The following NEDD4L variants were observed in gnomAD, a reference collection of about 807,000 sequenced individuals.
NEDD4L encodes the protein E3 ubiquitin-protein ligase NEDD4-like.
NEDD4L carries 54 observed loss-of-function variants against 148.9 expected under a neutral mutation model. That is an observed-to-expected ratio of 0.36 (90% CI 0.29 to 0.45). The LOEUF is 0.45. Among genes scored for constraint, NEDD4L ranks in the 20% least tolerant of loss-of-function variants. NEDD4L has a pLI of 1.00. For synonymous variants in NEDD4L, 433 were observed against 440.7 expected (o/e 0.98, Z 0.22); for missense variants, 856 against 1,233.8 (o/e 0.69, Z 4.59).
At chr18:58,081,026 CTA>C (rs1376392975) in intron 1 of NEDD4L, among the ~76,000 whole-genome samples, 2 of 151,980 alleles carry the variant, frequency 1.3e-5, no homozygotes, top group African/African-American at 4.8e-5. Flanking sequence ...TGAAAGCCTC[CTA>C]TATGATAATG....
Position 58,319,001 on chromosome 18 carries a change from A to G in NEDD4L, c.348+2969A>G, listed in dbSNP as rs184488271. Reference sequence around the variant, plus strand: ...GATGAGGCATTTTCAGGGTGGTGGTATTATTTGATGCCCTGCCTGTACTTG... The same window carrying G: ...GATGAGGCATTTTCAGGGTGGTGGTGTTATTTGATGCCCTGCCTGTACTTG... On this transcript the variant is annotated intron_variant, in intron 6 of 30. Coordinates refer to ENST00000400345, the MANE Select transcript of NEDD4L (RefSeq NM_001144967.3). Among the ~76,000 whole-genome samples, 4 of 152,312 alleles carry G rather than the reference A, an allele frequency of 2.6e-5. No homozygotes were observed. In the East Asian group the frequency reaches 7.7e-4, roughly 29 times the overall value.
chr18:58,367,643 C>A, intron 21 of NEDD4L, 103 bp from the exon 22 acceptor site: 1 of 1,268,320 alleles, frequency 7.9e-7, no homozygotes, highest in Non-Finnish European at 1.1e-6. Context: ...GTACAGAATG[C>A]TCGCAGGGAC....
intron 5 of NEDD4L, among the ~76,000 whole-genome samples, chr18:58,301,018 A>ATG (rs1470657835): frequency 1.3e-5 from 2 of 152,172 alleles, no homozygotes; most frequent in African/African-American, 4.8e-5. Flanking sequence ...GCCGAGTCTT[A>ATG]GCCCCACGTT....
At chr18:58,138,356 C>CTCCTCTTCCCTCCCCTT (rs2033096814) in intron 1 of NEDD4L, among the ~76,000 whole-genome samples, 1 of 146,274 alleles carries the variant, frequency 6.8e-6, no homozygotes, top group Non-Finnish European at 1.5e-5. Context: ...TCCCTCCCCT[C>CTCCTCTTCCCTCCCCTT]CTCCTCTTCC....
At chr18:58,333,407 G>A (rs894673634) in intron 11 of NEDD4L, among the ~76,000 whole-genome samples, 1 of 151,942 alleles carries the variant, frequency 6.6e-6, no homozygotes, top group African/African-American at 2.4e-5. Context: ...ATCAATAAAT[G>A]TTGGGTAGCC....
At position 58,236,258 on chromosome 18, in the gene NEDD4L, G is replaced by A. The variant is rs1343130478; in HGVS notation, c.123-9169G>A. On this transcript the variant is annotated intron_variant, in intron 2 of 30. Transcript: ENST00000400345. ...TGTAGTCCCAGCTACTCAGGAGGCT[G>A]AGGTGGGAGGATCGCTTGAGCCCAG... 3.3e-5 allele frequency among the ~76,000 whole-genome samples: 5 copies of A among 152,074 alleles called. No individual in the cohort carries two copies. The East Asian group carries it at 9.7e-4, about 29-fold the overall frequency.
chr18:58,245,597 A>G, intron 3 of NEDD4L, 89 bp downstream of exon 3: 1 of 634,666 alleles, frequency 1.6e-6, no homozygotes, highest in Non-Finnish European at 2.8e-6. Context: ...CTTTTTGGTC[A>G]AGGATGGACT....
chr18:58,218,485 T>A (rs2043380533), intron 2 of NEDD4L, among the ~76,000 whole-genome samples: 1 of 152,228 alleles, frequency 6.6e-6, no homozygotes, highest in African/African-American at 2.4e-5. Flanking sequence ...ACTGCCAGAC[T>A]TCTGGGAGAC....
At chr18:58,355,923 T>C (rs971609851) in intron 18 of NEDD4L, among the ~76,000 whole-genome samples, 9 of 152,094 alleles carry the variant, frequency 5.9e-5, no homozygotes, top group African/African-American at 2.2e-4. Flanking sequence ...TCACTTACAG[T>C]GTATACAGAA....
chr18:58,375,703 CT>C (rs2047478557), intron 24 of NEDD4L, among the ~76,000 whole-genome samples: 3 of 152,126 alleles, frequency 2.0e-5, no homozygotes, highest in Admixed American at 2.0e-4. Flanking sequence ...TGTATGCCCC[CT>C]GAGGTCTTCT....
intron 2 of NEDD4L, among the ~76,000 whole-genome samples, chr18:58,234,823 C>A (rs158868): frequency 0.43 from 65,889 of 151,872 alleles, 14,283 homozygotes; most frequent in East Asian, 0.49. Flanking sequence ...TCCTGGTACC[C>A]CTGGGAATGT....
At chr18:58,379,403 C>T (rs17064935) in intron 24 of NEDD4L, among the ~76,000 whole-genome samples, 44,317 of 152,108 alleles carry the variant, frequency 0.29, 6,821 homozygotes, top group African/African-American at 0.38. Flanking sequence ...CGGTACCACC[C>T]GGTGTTCAGT....
intron 5 of NEDD4L, among the ~76,000 whole-genome samples, chr18:58,274,787 C>T (rs496964): frequency 6.6e-6 from 1 of 152,200 alleles, no homozygotes; most frequent in East Asian, 1.9e-4. Flanking sequence ...TTGTCAAATC[C>T]TAGTGAATTT....
intron 16 of NEDD4L, among the ~76,000 whole-genome samples, chr18:58,343,417 C>T (rs938007982): frequency 6.6e-6 from 1 of 152,206 alleles, no homozygotes; most frequent in African/African-American, 2.4e-5. Flanking sequence ...TTGATCCCGT[C>T]TCACAAAGTA....
At chr18:58,284,530 T>A (rs2053618233) in intron 5 of NEDD4L, among the ~76,000 whole-genome samples, 1 of 150,800 alleles carries the variant, frequency 6.6e-6, no homozygotes, top group Non-Finnish European at 1.5e-5. Flanking sequence ...GGGGCTGGAG[T>A]TGCTTTTGAT....
intron 5 of NEDD4L, among the ~76,000 whole-genome samples, 190 bp from the exon 6 acceptor site, chr18:58,315,792 G>T (rs1391547437): frequency 6.6e-6 from 1 of 152,172 alleles, no homozygotes; most frequent in Non-Finnish European, 1.5e-5. Flanking sequence ...ATCTCAGCCA[G>T]CTCAGTCCAG....
At chr18:58,188,553 G>A (rs1304699041) in intron 2 of NEDD4L, among the ~76,000 whole-genome samples, 1 of 152,222 alleles carries the variant, frequency 6.6e-6, no homozygotes, top group East Asian at 1.9e-4. Context: ...TTCTGTCCTG[G>A]CCTGTATTCC....
chr18:58,193,629 T>G (rs1366948157), intron 2 of NEDD4L, among the ~76,000 whole-genome samples: 2 of 152,244 alleles, frequency 1.3e-5, no homozygotes, highest in African/African-American at 4.8e-5. Context: ...TCCCCTCAGG[T>G]TGGCATCTGC....
chr18:58,354,478 A>G (rs1387599027), intron 18 of NEDD4L, among the ~76,000 whole-genome samples: 1 of 152,000 alleles, frequency 6.6e-6, no homozygotes, highest in African/African-American at 2.4e-5. Flanking sequence ...GCTACCCCAT[A>G]CTTTCATACA....
Sources: gnomAD v4.1 joint callset for allele counts (sites outside exome capture counted in the v4.1 genomes callset) on GRCh38, gnomAD v4.1.1 for gene constraint, MANE v1.5 for transcripts, NCBI Gene and HGNC (gene_info 2026-07-23, HGNC 2026-07-21) for gene names.